GATAD2B: variants seen among roughly 807,000 people sequenced by gnomAD.
GATAD2B encodes the protein GATA zinc finger domain containing 2B, also known as transcriptional repressor p66-beta.
GATAD2B carries 8 observed loss-of-function variants against 64.3 expected under a neutral mutation model. The observed-to-expected ratio is 0.12, with a 90% CI of 0.07 to 0.22. GATAD2B has a LOEUF of 0.22. Among genes scored for constraint, GATAD2B ranks in the 10% least tolerant of loss-of-function variants. The pLI is 1.00. For synonymous variants in GATAD2B, 281 were observed against 271.3 expected, an observed-to-expected ratio of 1.04 and a Z score of -0.35; for missense variants, 453 against 752.0, an observed-to-expected ratio of 0.60 and a Z score of 4.65.
intron 1 of GATAD2B, among the ~76,000 whole-genome samples, chr1:153,866,882 T>C (rs1050467245): frequency 4.6e-5 from 7 of 152,092 alleles, no homozygotes; most frequent in African/African-American, 1.7e-4. Flanking sequence ...CCGGGTTCAA[T>C]AGATTCTCCT....
chr1:153,906,529 AAC>A (rs989960953), intron 1 of GATAD2B, among the ~76,000 whole-genome samples: 15 of 152,280 alleles, frequency 9.9e-5, no homozygotes, highest in Non-Finnish European at 2.1e-4. Flanking sequence ...AATGAGAAAA[AAC>A]ACAAAATAAA....
intron 1 of GATAD2B, among the ~76,000 whole-genome samples, chr1:153,913,191 G>A (rs1233282395): frequency 1.3e-5 from 2 of 152,028 alleles, no homozygotes; most frequent in East Asian, 3.9e-4. Flanking sequence ...GCCTCCCAAA[G>A]TGCTGGGATT....
intron 1 of GATAD2B, among the ~76,000 whole-genome samples, chr1:153,846,923 G>T (rs78316097): frequency 6.6e-6 from 1 of 151,896 alleles, no homozygotes; most frequent in African/African-American, 2.4e-5. Flanking sequence ...CTCATTTTTA[G>T]TTCCAACGAA....
chr1:153,852,833 G>T, intron 1 of GATAD2B: 3 of 855,158 alleles, frequency 3.5e-6, no homozygotes, highest in South Asian at 2.9e-5. Context: ...TCTTTTTCTA[G>T]TTCTTCCCCA....
At chr1:153,830,930 C>T (rs1469942588) in intron 1 of GATAD2B, among the ~76,000 whole-genome samples, 1 of 152,092 alleles carries the variant, frequency 6.6e-6, no homozygotes, top group East Asian at 1.9e-4. Flanking sequence ...TGCCACCACA[C>T]TGGGCTAATT....
At chr1:153,827,124 A>G (rs1313816519) in intron 2 of GATAD2B, among the ~76,000 whole-genome samples, 1 of 142,400 alleles carries the variant, frequency 7.0e-6, no homozygotes, top group African/African-American at 2.6e-5. Flanking sequence ...ATGTGCCTGT[A>G]GTCCCAGCTA....
At chr1:153,878,530 T>C (rs954345612) in intron 1 of GATAD2B, among the ~76,000 whole-genome samples, 3 of 152,168 alleles carry the variant, frequency 2.0e-5, no homozygotes, top group South Asian at 2.1e-4. Context: ...TCAAAGACTA[T>C]TGCTTGTAAA....
chr1:153,874,392 A>G (rs922637624), intron 1 of GATAD2B, among the ~76,000 whole-genome samples: 7 of 152,328 alleles, frequency 4.6e-5, no homozygotes, highest in African/African-American at 1.4e-4. Flanking sequence ...GAGATTAAAA[A>G]TAAGTGCTGT....
chr1:153,883,263 T>C (rs543835189), intron 1 of GATAD2B, among the ~76,000 whole-genome samples: 3 of 152,314 alleles, frequency 2.0e-5, no homozygotes, highest in South Asian at 2.1e-4. Flanking sequence ...TCCTGAGCCA[T>C]ATAATATTAA....
rs1674523392 is a variant in GATAD2B, at chr1:153,817,558, A to G, written c.730-16T>C. 6.4e-7 allele frequency: 1 copy of G among 1,569,510 alleles called. No homozygotes were observed. The highest frequency in any genetic ancestry group is 8.6e-7 in the Non-Finnish European group (1 of 1,159,086). ...CACTGTGACCCTGGAGGGGAAGAAG[A>G]GGAAAAGAACTAATCACAGGTTGTA... On this transcript the variant is annotated splice_polypyrimidine_tract_variant and intron_variant, in intron 5 of 10. Coordinates refer to ENST00000368655, the MANE Select transcript of GATAD2B (RefSeq NM_020699.4).
intron 1 of GATAD2B, among the ~76,000 whole-genome samples, chr1:153,867,141 G>A (rs969964297): frequency 6.6e-6 from 1 of 152,094 alleles, no homozygotes; most frequent in Non-Finnish European, 1.5e-5. Context: ...ATGGAAAAGG[G>A]TATGGACAAG....
At chr1:153,868,562 GT>G (rs1676554395) in intron 1 of GATAD2B, among the ~76,000 whole-genome samples, 2 of 151,978 alleles carry the variant, frequency 1.3e-5, no homozygotes, top group Non-Finnish European at 1.5e-5. Context: ...TTAAAACTAA[GT>G]TCTGAAATAA....
intron 1 of GATAD2B, among the ~76,000 whole-genome samples, chr1:153,899,718 G>A (rs571716819): frequency 3.2e-4 from 49 of 152,248 alleles, no homozygotes; most frequent in Non-Finnish European, 4.9e-4. Flanking sequence ...CTTGAAGACA[G>A]ACAGTTCTCA....
At chr1:153,916,277 G>GAAAAAAAAAAA (rs200305010) in intron 1 of GATAD2B, among the ~76,000 whole-genome samples, 1 of 92,602 alleles carries the variant, frequency 1.1e-5, no homozygotes, top group African/African-American at 5.0e-5. Flanking sequence ...TCCACCTCAA[G>GAAAAAAAAAAA]AAAAAAAAAA....
chr1:153,889,436 A>AC (rs1553197295), intron 1 of GATAD2B, among the ~76,000 whole-genome samples: 79 of 146,972 alleles, frequency 5.4e-4, no homozygotes, highest in African/African-American at 1.8e-3. Flanking sequence ...AAAAAAAAAA[A>AC]CACACAAAAC....
chr1:153,824,593 C>A (rs561813125), intron 2 of GATAD2B, among the ~76,000 whole-genome samples: 35 of 112,078 alleles, frequency 3.1e-4, no homozygotes, highest in Admixed American at 8.0e-4. Context: ...GCCTGGGCAA[C>A]AGAGCGAGAC....
chr1:153,852,255 T>G, intron 1 of GATAD2B: 1 of 1,229,180 alleles, frequency 8.1e-7, no homozygotes. Flanking sequence ...CATCAAGTCA[T>G]CTAAAGATTC....
chr1:153,813,545 T>C (rs1415644556), intron 7 of GATAD2B, 93 bp from the exon 8 acceptor site: 2 of 830,892 alleles, frequency 2.4e-6, no homozygotes, highest in African/African-American at 3.4e-5. Flanking sequence ...TTTATTCTGT[T>C]GAATTAAAGA....
intron 1 of GATAD2B, among the ~76,000 whole-genome samples, chr1:153,867,252 A>G (rs985714698): frequency 1.3e-5 from 2 of 152,200 alleles, no homozygotes; most frequent in African/African-American, 4.8e-5. Context: ...TGATCTCCTT[A>G]CATGACAGAA....
Sources: allele counts gnomAD v4.1 joint callset (sites outside exome capture counted in the v4.1 genomes callset), GRCh38; gene constraint gnomAD v4.1.1; transcripts MANE v1.5; gene names NCBI Gene and HGNC (gene_info 2026-07-23, HGNC 2026-07-21).